Variants in OSBPL8 observed in about 807,000 individuals in gnomAD.
The protein encoded by OSBPL8 is oxysterol-binding protein-related protein 8.
In OSBPL8, 59 loss-of-function variants were observed where a neutral mutation model predicts 125.5. The ratio of observed to expected loss-of-function variants is 0.47; its 90% CI spans 0.38 to 0.58. OSBPL8 has a LOEUF of 0.58. Among genes scored for constraint, OSBPL8 ranks in the 20% least tolerant of loss-of-function variants. The pLI, the probability that OSBPL8 is intolerant of heterozygous loss-of-function variation, is 0.00. For synonymous variants in OSBPL8, 330 were observed against 338.9 expected, an observed-to-expected ratio of 0.97 and a Z score of 0.29; for missense variants, 758 against 1,047.8, an observed-to-expected ratio of 0.72 and a Z score of 3.82.
chr12:76,393,101 A>G (rs2136305315), intron 9 of OSBPL8, among the ~76,000 whole-genome samples: 1 of 152,338 alleles, frequency 6.6e-6, no homozygotes, highest in South Asian at 2.1e-4. Flanking sequence ...TTCTACTACA[A>G]ACAAACTATC....
chr12:76,421,668 T>G (rs1413796237), intron 4 of OSBPL8, among the ~76,000 whole-genome samples: 1 of 152,036 alleles, frequency 6.6e-6, no homozygotes, highest in Non-Finnish European at 1.5e-5. Flanking sequence ...AGTCAATATT[T>G]CTTTGCCATC....
chr12:76,543,564 T>C (rs1242976206), intron 1 of OSBPL8, among the ~76,000 whole-genome samples: 1 of 152,072 alleles, frequency 6.6e-6, no homozygotes, highest in Non-Finnish European at 1.5e-5. Context: ...CACAAGTTTA[T>C]TATCTACACC....
intron 4 of OSBPL8, among the ~76,000 whole-genome samples, chr12:76,421,410 A>G (rs1869466580): frequency 6.6e-6 from 1 of 152,078 alleles, no homozygotes; most frequent in African/African-American, 2.4e-5. Context: ...GGGAGAGTTC[A>G]GGACTATGGT....
chr12:76,453,769 C>T (rs145534489), intron 3 of OSBPL8, among the ~76,000 whole-genome samples: 2 of 151,814 alleles, frequency 1.3e-5, no homozygotes, highest in African/African-American at 4.8e-5. Context: ...ACTGAAAAGG[C>T]ACAAAATAAG....
At chr12:76,498,561 C>G (rs1879523483) in intron 1 of OSBPL8, among the ~76,000 whole-genome samples, 1 of 152,086 alleles carries the variant, frequency 6.6e-6, no homozygotes, top group African/African-American at 2.4e-5. Flanking sequence ...ATACAAGAAT[C>G]CTTTTTAAAA....
intron 5 of OSBPL8, among the ~76,000 whole-genome samples, chr12:76,403,828 T>C (rs573073107): frequency 2.6e-5 from 4 of 152,276 alleles, no homozygotes; most frequent in African/African-American, 9.6e-5. Flanking sequence ...CCTCAATTTT[T>C]AGATTAATAA....
At chr12:76,527,847 G>A (rs2137310876) in intron 1 of OSBPL8, among the ~76,000 whole-genome samples, 1 of 152,242 alleles carries the variant, frequency 6.6e-6, no homozygotes, top group East Asian at 1.9e-4. Context: ...TTCCAAGGCT[G>A]CTCACTAGAT....
At chr12:76,492,462 G>A (rs538162200) in intron 1 of OSBPL8, among the ~76,000 whole-genome samples, 1 of 152,184 alleles carries the variant, frequency 6.6e-6, no homozygotes, top group Admixed American at 6.5e-5. Flanking sequence ...GACTGATACG[G>A]GTCTGTGGCC....
At chr12:76,482,487 C>T (rs1877618792) in intron 2 of OSBPL8, among the ~76,000 whole-genome samples, 1 of 152,110 alleles carries the variant, frequency 6.6e-6, no homozygotes, top group Admixed American at 6.5e-5. Context: ...GTGGCGCATG[C>T]CTGTAATCCC....
intron 1 of OSBPL8, among the ~76,000 whole-genome samples, chr12:76,511,799 C>T (rs548239287): frequency 3.3e-5 from 5 of 152,112 alleles, no homozygotes; most frequent in African/African-American, 4.8e-5. Context: ...AATCTTTGCC[C>T]GTTCCTATGT....
At chr12:76,486,119 ATTTAT>A (rs1053236537) in intron 2 of OSBPL8, 9 of 386,344 alleles carry the variant, frequency 2.3e-5, no homozygotes, top group African/African-American at 1.1e-4. Flanking sequence ...TCTACTAACA[ATTTAT>A]TTTAAAGTTT....
chr12:76,514,430 CATG>C (rs990145336), intron 1 of OSBPL8, among the ~76,000 whole-genome samples: 13 of 142,876 alleles, frequency 9.1e-5, no homozygotes, highest in South Asian at 4.6e-4. Context: ...GGATTACAAG[CATG>C]AGCCGGCTAG....
rs768841436 is a variant in OSBPL8 at position 76,410,648 on chromosome 12, T to G, written c.218-14A>C. 2 of 1,523,752 alleles carry G rather than the reference T, an allele frequency of 1.3e-6. No homozygotes were observed. Among genetic ancestry groups the G allele is most frequent in the South Asian group, 2.3e-5 (2 of 88,848 alleles). 94.4% of individuals were successfully genotyped at this position (1,523,752 alleles called of 1,614,324 possible). A position where few individuals can be genotyped will look rare whatever the true frequency, so the allele number is the denominator to read the frequency against. On this transcript the variant is annotated splice_polypyrimidine_tract_variant and intron_variant, in intron 4 of 23. Coordinates refer to ENST00000261183, the MANE Select transcript of OSBPL8 (RefSeq NM_020841.5). ...CTCTTTCAAAACCTTAAAAAAATAG[T>G]CAGCATATCAGTATTACTACTTTTG...
At position 76,353,058 on chromosome 12, in the gene OSBPL8, A is replaced by C. The variant is rs1320874886; in HGVS notation, c.*2831T>G. On this transcript the variant is annotated 3_prime_UTR_variant, in exon 24 of 24. Coordinates refer to ENST00000261183, the MANE Select transcript of OSBPL8 (RefSeq NM_020841.5). ...GCCTATAAACACCTTGAATCACATTATAGTTCTGTAACACAAAAAATGACA... is the reference window on the plus strand; with the variant it reads ...GCCTATAAACACCTTGAATCACATTCTAGTTCTGTAACACAAAAAATGACA... The C allele has an allele frequency of 1.3e-5, 2 of 152,488 alleles. No individual in the cohort carries two copies. Among genetic ancestry groups the C allele is most frequent in the African/African-American group, 4.8e-5 (2 of 41,460 alleles). The allele number at this position is 152,488 out of a possible 1,614,324, so 9.4% of individuals were successfully genotyped here.
intron 7 of OSBPL8, among the ~76,000 whole-genome samples, chr12:76,399,274 G>A (rs183061851): frequency 6.6e-6 from 1 of 152,180 alleles, no homozygotes; most frequent in East Asian, 1.9e-4. Flanking sequence ...TTTTCTGTGA[G>A]TCAGAGTCCT....
chr12:76,475,366 G>T (rs1163288622), intron 2 of OSBPL8, among the ~76,000 whole-genome samples: 2 of 152,172 alleles, frequency 1.3e-5, no homozygotes, highest in Non-Finnish European at 2.9e-5. Flanking sequence ...TTTAAAGCCA[G>T]TTCTCCTCCC....
chr12:76,445,499 T>C (rs556408997), intron 4 of OSBPL8, among the ~76,000 whole-genome samples: 14 of 152,252 alleles, frequency 9.2e-5, no homozygotes, highest in African/African-American at 2.6e-4. Context: ...GATATTAAAA[T>C]GTATTAAAGA....
intron 4 of OSBPL8, among the ~76,000 whole-genome samples, chr12:76,438,049 C>T (rs148665337): frequency 0.015 from 2,278 of 152,018 alleles, 53 homozygotes; most frequent in African/African-American, 0.052. Flanking sequence ...TGCAGTGGTG[C>T]GATCTCGGCT....
intron 4 of OSBPL8, among the ~76,000 whole-genome samples, chr12:76,428,211 G>A (rs1468470189): frequency 1.6e-4 from 25 of 151,904 alleles, no homozygotes; most frequent in Admixed American, 1.6e-3. Context: ...GAAAATGGTA[G>A]ACAAACAGAG....
Sources: gnomAD v4.1 joint callset for allele counts (sites outside exome capture counted in the v4.1 genomes callset) on GRCh38, gnomAD v4.1.1 for gene constraint, MANE v1.5 for transcripts, NCBI Gene and HGNC (gene_info 2026-07-23, HGNC 2026-07-21) for gene names.